NRXN3: variants seen among roughly 807,000 people sequenced by gnomAD.
NRXN3 encodes the protein neurexin 3.
NRXN3 carries 32 observed loss-of-function variants against 137.6 expected under a neutral mutation model. The observed-to-expected ratio is 0.23, with a 90% CI of 0.18 to 0.31. The LOEUF (loss-of-function observed/expected upper bound fraction) is 0.31, where lower values mean the gene tolerates loss of function less well. NRXN3 is among the 10% of genes least tolerant of loss of function. The pLI, the probability that NRXN3 is intolerant of heterozygous loss-of-function variation, is 1.00. For missense variants in NRXN3, 1,574 were observed against 2,062.5 expected (o/e 0.76, Z 4.59); for synonymous variants, 798 against 784.5 (o/e 1.02, Z -0.29).
chr14:78,440,201 T>C (rs2094198603), intron 4 of NRXN3, among the ~76,000 whole-genome samples: 2 of 152,224 alleles, frequency 1.3e-5, no homozygotes, highest in African/African-American at 4.8e-5. Flanking sequence ...GTTAATCATT[T>C]GTTTATTTTG....
At chr14:79,079,760 C>T (rs546202827) in intron 15 of NRXN3, among the ~76,000 whole-genome samples, 34 of 152,130 alleles carry the variant, frequency 2.2e-4, no homozygotes, top group Non-Finnish European at 4.0e-4. Context: ...GAGGCCGAGG[C>T]GGGTGGATCA....
At chr14:78,192,467 T>C (rs983285354) in intron 1 of NRXN3, among the ~76,000 whole-genome samples, 5 of 152,186 alleles carry the variant, frequency 3.3e-5, no homozygotes, top group African/African-American at 1.2e-4. Context: ...AGAAGACTTC[T>C]TGGATTTCAT....
chr14:79,253,378 C>T lies in NRXN3; in HGVS notation c.3263-213843C>T, dbSNP rs561134876. On this transcript the variant is annotated intron_variant, in intron 15 of 20. Transcript: ENST00000335750. ...AAAAGCTTTCAAGGACAATGACATA[C>T]GTGGCCTCCAGAGCATGAGGCTAGA... Among the ~76,000 whole-genome samples the T allele has an allele frequency of 1.8e-4, 28 of 152,232 alleles. No homozygotes were observed. The South Asian group carries it at 2.3e-3, about 12-fold the overall frequency.
chr14:79,373,840 C>T (rs900185037), intron 15 of NRXN3, among the ~76,000 whole-genome samples: 4 of 152,030 alleles, frequency 2.6e-5, no homozygotes, highest in Admixed American at 6.6e-5. Flanking sequence ...ACTGGTCCCA[C>T]GAGCTTACTA....
intron 4 of NRXN3, among the ~76,000 whole-genome samples, chr14:78,367,225 A>G (rs2086098733): frequency 6.6e-6 from 1 of 152,144 alleles, no homozygotes; most frequent in African/African-American, 2.4e-5. Context: ...TCTCTCAAAA[A>G]ACAGAGGTAT....
intron 6 of NRXN3, among the ~76,000 whole-genome samples, chr14:78,683,655 A>G (rs1042117346): frequency 2.6e-5 from 4 of 152,176 alleles, no homozygotes; most frequent in African/African-American, 9.7e-5. Context: ...AGTGACAGTG[A>G]GTGTATTCTA....
Position 78,228,907 on chromosome 14 carries a change from G to T in NRXN3, c.-703-13484G>T, listed in dbSNP as rs79807906. ...TCCCCCAAATGAGTATTTACTGATGGTTCCCTCATGCTCAGATGTGTGAGG... is the reference window on the plus strand; with the variant it reads ...TCCCCCAAATGAGTATTTACTGATGTTTCCCTCATGCTCAGATGTGTGAGG... On this transcript the variant is annotated intron_variant, in intron 1 of 20. Transcript: ENST00000335750. 1.3e-3 allele frequency among the ~76,000 whole-genome samples: 195 copies of T among 152,282 alleles called. 4 individuals are homozygous for T. The East Asian group carries it at 0.033, about 26-fold the overall frequency.
intron 4 of NRXN3, among the ~76,000 whole-genome samples, chr14:78,523,671 G>C (rs1389915271): frequency 7.0e-6 from 1 of 142,282 alleles, no homozygotes; most frequent in Non-Finnish European, 1.5e-5. Context: ...AAAAAAATTA[G>C]CTGGGCGTTG....
At chr14:78,419,390 T>A (rs2093323614) in intron 4 of NRXN3, among the ~76,000 whole-genome samples, 2 of 151,996 alleles carry the variant, frequency 1.3e-5, no homozygotes, top group South Asian at 4.2e-4. Context: ...GGTGCTTGCC[T>A]CTACCACCTG....
Position 78,874,163 on chromosome 14 carries a change from G to T in NRXN3, c.2275+63819G>T, listed in dbSNP as rs546896329. Among the ~76,000 whole-genome samples the T allele has an allele frequency of 2.0e-5, 3 of 152,066 alleles. No individual in the cohort carries two copies. In the East Asian group the frequency reaches 5.8e-4, roughly 29 times the overall value. On this transcript the variant is annotated intron_variant, in intron 10 of 20. Transcript: ENST00000335750. The stretch of plus-strand genomic sequence containing the variant: ...ATTTTTGTATTTTTAGTAGAGATAG[G>T]ATATCACCATGTTGGCCAGGCTGGT...
chr14:79,127,657 A>T (rs1047822916), intron 15 of NRXN3, among the ~76,000 whole-genome samples: 1 of 151,986 alleles, frequency 6.6e-6, no homozygotes, highest in Non-Finnish European at 1.5e-5. Flanking sequence ...TTGGCGATGC[A>T]GGCTCTTTTT....
intron 15 of NRXN3, among the ~76,000 whole-genome samples, chr14:79,056,927 T>C (rs947395601): frequency 4.6e-5 from 7 of 152,196 alleles, no homozygotes; most frequent in Non-Finnish European, 8.8e-5. Flanking sequence ...AACAAAACAT[T>C]GGATATTTAT....
intron 16 of NRXN3, among the ~76,000 whole-genome samples, chr14:79,527,618 A>G (rs1326890179): frequency 6.6e-6 from 1 of 152,034 alleles, no homozygotes; most frequent in African/African-American, 2.4e-5. Flanking sequence ...CATGCCTGTA[A>G]TCCCAGCACT....
intron 4 of NRXN3, among the ~76,000 whole-genome samples, chr14:78,615,350 C>T (rs2097337209): frequency 6.6e-6 from 1 of 151,630 alleles, no homozygotes; most frequent in Admixed American, 6.6e-5. Flanking sequence ...CCTATAATCC[C>T]AGCACTTTGG....
chr14:78,603,468 G>A (rs1047329488), intron 4 of NRXN3, among the ~76,000 whole-genome samples: 11 of 152,312 alleles, frequency 7.2e-5, no homozygotes, highest in Middle Eastern at 3.4e-3. Flanking sequence ...CAAGTGTAGA[G>A]TATTTTACAT....
intron 4 of NRXN3, among the ~76,000 whole-genome samples, chr14:78,302,219 T>C (rs953107512): frequency 6.6e-6 from 1 of 152,128 alleles, no homozygotes; most frequent in African/African-American, 2.4e-5. Context: ...TCCCATAAAA[T>C]AGATGTTTTG....
chr14:79,861,540 A>G lies in NRXN3; in HGVS notation c.4292A>G (p.Asn1431Ser). The change falls in exon 21 of 21, where the codon AAC (asparagine) becomes AGC (serine). Residue 1431 changes from asparagine to serine, a missense_variant. Coordinates refer to ENST00000335750, the MANE Select transcript of NRXN3 (RefSeq NM_001330195.2). The surrounding 1 kb of genome is among the most constrained non-coding windows in gnomAD (Gnocchi z 5.4). ...VPKLPAGKMN[N>S]RDLKPQPDIV... The stretch of plus-strand genomic sequence containing the variant: ...AAATTGCCAGCTGGCAAAATGAATA[A>G]CCGTGATCTCAAACCCCAGCCTGAT... 1 of 1,555,960 alleles carries G rather than the reference A, an allele frequency of 6.4e-7. No homozygotes were observed.
At chr14:78,986,103 C>G (rs1196564269) in intron 14 of NRXN3, among the ~76,000 whole-genome samples, 6 of 152,128 alleles carry the variant, frequency 3.9e-5, no homozygotes, top group Admixed American at 1.3e-4. Context: ...AGTCGTGCAT[C>G]TCTTTTGAAC....
At chr14:78,473,834 C>A (rs990108730) in intron 4 of NRXN3, among the ~76,000 whole-genome samples, 2 of 152,176 alleles carry the variant, frequency 1.3e-5, no homozygotes, top group African/African-American at 4.8e-5. Flanking sequence ...ACTAATTCTG[C>A]ATGTGGACTT....
Sources: allele counts gnomAD v4.1 joint callset (sites outside exome capture counted in the v4.1 genomes callset), GRCh38; gene constraint gnomAD v4.1.1; non-coding constraint Gnocchi (gnomAD v3.1); transcripts MANE v1.5; gene names NCBI Gene and HGNC (gene_info 2026-07-23, HGNC 2026-07-21).